Variants in ERN1 observed in about 807,000 individuals in gnomAD.
The protein encoded by ERN1 is endoplasmic reticulum to nucleus signaling 1.
Under a neutral mutation model 113.1 loss-of-function variants are expected in ERN1, and 39 were observed. The observed-to-expected ratio is 0.34, with a 90% CI of 0.27 to 0.45. The LOEUF (loss-of-function observed/expected upper bound fraction) is 0.45. Ranked by LOEUF, ERN1 falls within the 20% of genes least tolerant of loss-of-function variation. The probability of loss-of-function intolerance (pLI) is 1.00; values close to 1 mark genes in which losing one functional copy is unlikely to be tolerated. For synonymous variants in ERN1, 507 were observed against 515.9 expected, an observed-to-expected ratio of 0.98 and a Z score of 0.23; for missense variants, 976 against 1,274.8, an observed-to-expected ratio of 0.77 and a Z score of 3.57.
At chr17:64,052,664 T>C in intron 17 of ERN1, 116 bp downstream of exon 17, 4 of 868,262 alleles carry the variant, frequency 4.6e-6, no homozygotes, top group Non-Finnish European at 5.1e-6. Context: ...GTGAAAGGAA[T>C]GCCATTCTCC....
intron 11 of ERN1, 76 bp from the exon 12 acceptor site, chr17:64,058,069 C>T: frequency 8.7e-7 from 1 of 1,156,054 alleles, no homozygotes; most frequent in Non-Finnish European, 1.2e-6. Context: ...TCAAGAGAAG[C>T]AATCACTGTT....
intron 12 of ERN1, among the ~76,000 whole-genome samples, chr17:64,056,469 A>T (rs540135425): frequency 6.6e-6 from 1 of 152,232 alleles, no homozygotes; most frequent in Non-Finnish European, 1.5e-5. Flanking sequence ...GTACATCTGC[A>T]TACACATAGC....
At chr17:64,094,772 C>T (rs970970423) in intron 2 of ERN1, among the ~76,000 whole-genome samples, 1 of 152,112 alleles carries the variant, frequency 6.6e-6, no homozygotes, top group Non-Finnish European at 1.5e-5. Context: ...CCCACCCCAA[C>T]CTGGTACTGC....
Position 64,039,902 on chromosome 17 carries a change from C to T in ERN1, c.*4086G>A, listed in dbSNP as rs1985961. Reference sequence around the variant, plus strand: ...AGTCACGTTCTTTGTGGCTTTCCAACGTCTACAGAAAGAATTTAAGCGCCG... The same window carrying T: ...AGTCACGTTCTTTGTGGCTTTCCAATGTCTACAGAAAGAATTTAAGCGCCG... On this transcript the variant is annotated 3_prime_UTR_variant, in exon 22 of 22. Transcript: ENST00000433197. 0.45 allele frequency: 68,034 copies of T among 152,034 alleles called. 18,462 individuals carry two copies. Among genetic ancestry groups the T allele is most frequent in the Non-Finnish European group, 0.61 (41,527 of 67,976 alleles). 9.4% of individuals were successfully genotyped at this position (152,034 alleles called of 1,614,324 possible).
intron 1 of ERN1, chr17:64,098,702 C>A: frequency 2.5e-6 from 1 of 399,228 alleles, no homozygotes. Flanking sequence ...ATAGGAAAAA[C>A]AGCTTTCATT....
intron 1 of ERN1, among the ~76,000 whole-genome samples, chr17:64,100,442 CCA>C (rs1317117095): frequency 1.3e-5 from 2 of 152,146 alleles, no homozygotes; most frequent in African/African-American, 4.8e-5. Context: ...TCTTGGGAGG[CCA>C]CACAAGAAAG....
chr17:64,077,827 G>C (rs892897957), intron 4 of ERN1, among the ~76,000 whole-genome samples: 2 of 151,522 alleles, frequency 1.3e-5, no homozygotes, highest in Middle Eastern at 3.4e-3. Context: ...CTCACTGCAA[G>C]CTCCACCTCC....
Position 64,060,533 on chromosome 17 carries a change from T to G in ERN1, c.1142A>C (p.Asn381Thr), listed in dbSNP as rs79107850. Residue 381 changes from asparagine (N) to threonine (T), a missense_variant, in exon 11 of 22, where the codon AAC becomes ACC. Asn to Thr is a moderately conservative substitution (Grantham distance 65). Around this residue, in one of 5 missense-constraint regions of ERN1, gnomAD observed 459 missense variants for 581.2 expected, o/e 0.79. Coordinates refer to ENST00000433197, the MANE Select transcript of ERN1 (RefSeq NM_001433.5). The part of the protein sequence containing the change: ...ASTKMLERFP[N>T]NLPKHRENVI... ...ATTTTCCCGATGTTTGGGTAGATTG[T>G]TGGGAAATCTCTCCAGCATCTTGGT... 2 of 1,614,030 alleles carry G rather than the reference T, an allele frequency of 1.2e-6. No individual in the cohort carries two copies. Among genetic ancestry groups the G allele is most frequent in the Non-Finnish European group, 1.7e-6 (2 of 1,179,868 alleles).
intron 1 of ERN1, among the ~76,000 whole-genome samples, chr17:64,117,145 A>T (rs906159496): frequency 2.0e-5 from 3 of 148,692 alleles, no homozygotes; most frequent in Admixed American, 6.7e-5. Context: ...AAAATTTTTA[A>T]AAAAATCAAC....
rs1015560825 is a variant in ERN1 at position 64,063,833 on chromosome 17, G to C, written c.1087+153C>G. On this transcript the variant is annotated intron_variant, in intron 10 of 21. Coordinates refer to ENST00000433197, the MANE Select transcript of ERN1 (RefSeq NM_001433.5). This position sits in a 1 kb window ranked among gnomAD's most constrained non-coding sequence, Gnocchi z 5.1. Reference sequence around the variant, plus strand: ...GCTACCTTGTTGATTTTCCTTGGGGGTAAAAATGTCCCAAGGTCTCAGGGG... The same window carrying C: ...GCTACCTTGTTGATTTTCCTTGGGGCTAAAAATGTCCCAAGGTCTCAGGGG... Among the ~76,000 whole-genome samples, 3 of 152,134 alleles carry C rather than the reference G, an allele frequency of 2.0e-5. No individual in the cohort carries two copies. Among genetic ancestry groups the C allele is most frequent in the African/African-American group, 7.2e-5 (3 of 41,424 alleles).
chr17:64,100,177 G>A (rs1273785274), intron 1 of ERN1, among the ~76,000 whole-genome samples: 2 of 152,156 alleles, frequency 1.3e-5, no homozygotes, highest in Non-Finnish European at 2.9e-5. Context: ...CTGGAGAACT[G>A]TGGCCCTATG....
At chr17:64,096,976 T>C (rs75104207) in intron 2 of ERN1, among the ~76,000 whole-genome samples, 6,027 of 152,280 alleles carry the variant, frequency 0.04, 430 homozygotes, top group African/African-American at 0.13. Context: ...TTGATTTTCA[T>C]CTCTGGACAA....
intron 19 of ERN1, 103 bp downstream of exon 19, chr17:64,047,755 T>C (rs1345787475): frequency 1.9e-6 from 2 of 1,037,712 alleles, no homozygotes; most frequent in Admixed American, 5.3e-5. Context: ...CTTCCAGTTT[T>C]AGGGTAATGG....
At chr17:64,076,180 G>T (rs1913585442) in intron 4 of ERN1, among the ~76,000 whole-genome samples, 1 of 152,170 alleles carries the variant, frequency 6.6e-6, no homozygotes, top group Non-Finnish European at 1.5e-5. Flanking sequence ...GTTAATGCTT[G>T]TTTCAGTATA....
At chr17:64,106,401 A>C (rs1189670991) in intron 1 of ERN1, among the ~76,000 whole-genome samples, 1 of 152,212 alleles carries the variant, frequency 6.6e-6, no homozygotes, top group East Asian at 1.9e-4. Flanking sequence ...AAGGAATTAG[A>C]GCTTATAATT....
At chr17:64,101,536 G>T (rs16947486) in intron 1 of ERN1, among the ~76,000 whole-genome samples, 11,509 of 152,098 alleles carry the variant, frequency 0.076, 1,425 homozygotes, top group African/African-American at 0.26. Context: ...CAAAGTAGAA[G>T]TTTTCACAAA....
chr17:64,117,241 G>C (rs953986096), intron 1 of ERN1, among the ~76,000 whole-genome samples: 4 of 152,120 alleles, frequency 2.6e-5, no homozygotes, highest in Non-Finnish European at 5.9e-5. Flanking sequence ...CCAGGAGTTT[G>C]AGACTCACCT....
At chr17:64,106,631 C>T (rs919670354) in intron 1 of ERN1, among the ~76,000 whole-genome samples, 3 of 151,824 alleles carry the variant, frequency 2.0e-5, no homozygotes, top group Non-Finnish European at 4.4e-5. Context: ...CTGAAAGCCA[C>T]AGGATGGATC....
intron 11 of ERN1, 38 bp from the exon 12 acceptor site, chr17:64,058,031 T>C: frequency 6.8e-7 from 1 of 1,464,216 alleles, no homozygotes; most frequent in East Asian, 2.4e-5. Flanking sequence ...CTGCAAAATT[T>C]CTAGCCAGAT....
Sources: gnomAD v4.1 joint callset for allele counts (sites outside exome capture counted in the v4.1 genomes callset) on GRCh38, gnomAD v4.1.1 for gene constraint, gnomAD v4.1.1 regional missense constraint, Gnocchi (gnomAD v3.1) non-coding constraint, MANE v1.5 for transcripts, NCBI Gene and HGNC (gene_info 2026-07-23, HGNC 2026-07-21) for gene names.